The following ICE1 variants were observed in gnomAD, a reference collection of about 807,000 sequenced individuals.
The protein encoded by ICE1 is interactor of little elongation complex ELL subunit 1.
In ICE1, 64 loss-of-function variants were observed where a neutral mutation model predicts 192.7. The observed-to-expected ratio is 0.33, with a 90% CI of 0.27 to 0.41. The LOEUF (loss-of-function observed/expected upper bound fraction) is 0.41, where lower values mean the gene tolerates loss of function less well. Ranked by LOEUF, ICE1 falls within the 10% of genes least tolerant of loss-of-function variation. The pLI is 1.00. For missense variants in ICE1, 2,708 were observed against 2,696.0 expected (o/e 1.00, Z -0.10); for synonymous variants, 1,010 against 984.5 (o/e 1.03, Z -0.49).
intron 8 of ICE1, 64 bp downstream of exon 8, chr5:5,447,573 CTG>C (rs1371834363): frequency 1.4e-6 from 2 of 1,408,592 alleles, no homozygotes; most frequent in African/African-American, 1.4e-5. Flanking sequence ...TGTAGTGTCT[CTG>C]TGTTGTAACT....
At chr5:5,427,800 G>T (rs1266807826) in intron 1 of ICE1, among the ~76,000 whole-genome samples, 2 of 152,152 alleles carry the variant, frequency 1.3e-5, no homozygotes, top group Non-Finnish European at 2.9e-5. Context: ...AGAATACAAT[G>T]ATGAACAGAA....
rs758530891 is a variant in ICE1 at position 5,462,119 on chromosome 5, T to A, written c.2785T>A (p.Ser929Thr). ...TGTGAAAAGCATTTCACCAGAAGTT[T>A]CTGCCTCTAGGAGAAAATTAGATTT... is the stretch of plus-strand genomic sequence containing the variant. Reference protein sequence around the residue: ...AAVKSISPEVSASRRKLDFNS... With the variant: ...AAVKSISPEVTASRRKLDFNS... Residue 929 changes from serine (S) to threonine (T), a missense_variant, in exon 13 of 19, where the codon TCT (serine) becomes ACT (threonine). Coordinates refer to ENST00000296564, the MANE Select transcript of ICE1 (RefSeq NM_015325.3). 5.6e-6 allele frequency: 9 copies of A among 1,613,890 alleles called. No individual in the cohort carries two copies. The highest frequency in any genetic ancestry group is 3.3e-4 in the Middle Eastern group (2 of 6,062).
At position 5,447,836 on chromosome 5, in the gene ICE1, T is replaced by A; in HGVS notation, c.548-5T>A. ...TTATTAACCGTTTTTTCCCCATGCTTTTAGAGTTGAGACATATTGGAACAC... is the reference window on the plus strand; with the variant it reads ...TTATTAACCGTTTTTTCCCCATGCTATTAGAGTTGAGACATATTGGAACAC... On this transcript the variant is annotated splice_region_variant and splice_polypyrimidine_tract_variant and intron_variant, in intron 9 of 18. Coordinates refer to ENST00000296564, the MANE Select transcript of ICE1 (RefSeq NM_015325.3). 2 of 1,577,606 alleles carry A rather than the reference T, an allele frequency of 1.3e-6. No individual in the cohort carries two copies. The highest frequency in any genetic ancestry group is 1.7e-6 in the Non-Finnish European group (2 of 1,159,268).
chr5:5,447,438 A>G lies in ICE1; in HGVS notation c.436A>G (p.Lys146Glu). ...KVKKLQEAAV[K>E]QTQDFKQLRN... The stretch of plus-strand genomic sequence containing the variant: ...CATTGGACTTAAAGAGGCTGCTGTC[A>G]AGCAAACTCAGGACTTCAAGCAACT... The change falls in exon 8 of 19, where the codon AAG (lysine) becomes GAG (glutamate). Residue 146 changes from lysine to glutamate, a missense_variant. Coordinates refer to ENST00000296564, the MANE Select transcript of ICE1 (RefSeq NM_015325.3). 6.4e-7 allele frequency: 1 copy of G among 1,552,202 alleles called. No homozygotes were observed. The highest frequency in any genetic ancestry group is 8.7e-7 in the Non-Finnish European group (1 of 1,147,116).
In ICE1 at chr5:5,462,569, C is replaced by G. The variant is rs768989050; in HGVS notation, c.3235C>G (p.His1079Asp). 6 of 1,613,930 alleles carry G rather than the reference C, an allele frequency of 3.7e-6. No individual in the cohort carries two copies. The Admixed American group carries it at 8.3e-5, about 22-fold the overall frequency. The change falls in exon 13 of 19, where the codon CAT (histidine) becomes GAT (aspartate). Residue 1079 changes from histidine to aspartate, a missense_variant. Transcript: ENST00000296564. ...TTTTTCTTCAGCATTTTGCAGAAAA[C>G]ATGGAGAGACACAGGATACCTCCCA... is the stretch of plus-strand genomic sequence containing the variant. ...TTFSSAFCRK[H>D]GETQDTSQSS...
chr5:5,476,226 T>G, intron 17 of ICE1, 147 bp downstream of exon 17: 1 of 512,608 alleles, frequency 2.0e-6, no homozygotes, highest in East Asian at 3.4e-5. Flanking sequence ...CTTAAGTCAT[T>G]CTCCTTTCTC....
At chr5:5,474,437 A>G (rs771323635) in intron 16 of ICE1, among the ~76,000 whole-genome samples, 3 of 152,184 alleles carry the variant, frequency 2.0e-5, no homozygotes, top group Non-Finnish European at 4.4e-5. Flanking sequence ...ATGTATGTTG[A>G]ATGAAATTAA....
In ICE1 at chr5:5,463,357, C is replaced by T; in HGVS notation, c.4023C>T (p.Asn1341=). ...SPISGMPQNE[N]PQSRPEARSD... The stretch of plus-strand genomic sequence containing the variant: ...TCAGCGGTATGCCTCAGAATGAAAA[C>T]CCTCAGAGCAGACCAGAGGCCCGTT... The change falls in exon 13 of 19, where the codon AAC becomes AAT. Residue 1341 remains asparagine (N), a synonymous_variant. Transcript: ENST00000296564. 6.2e-7 allele frequency: 1 copy of T among 1,613,850 alleles called. No individual in the cohort carries two copies. Among genetic ancestry groups the T allele is most frequent in the Non-Finnish European group, 8.5e-7 (1 of 1,179,854 alleles).
intron 1 of ICE1, among the ~76,000 whole-genome samples, chr5:5,426,176 G>A (rs1400384289): frequency 2.0e-5 from 3 of 152,192 alleles, no homozygotes; most frequent in Non-Finnish European, 2.9e-5. Context: ...GGCTGGGAGC[G>A]GTGGCTCATG....
intron 11 of ICE1, among the ~76,000 whole-genome samples, chr5:5,456,501 T>C (rs2111369258): frequency 6.6e-6 from 1 of 152,236 alleles, no homozygotes; most frequent in East Asian, 1.9e-4. Context: ...ATTTATTTTA[T>C]TCGTAAATAA....
rs1030350806 is a variant in ICE1, at chr5:5,452,084, T to A, written c.605-2468T>A. ...ATTGATGAGGTAATGGAAAAAAAAT[T>A]TTAACTTGAGAAAGGTGAAACATTC... On this transcript the variant is annotated intron_variant, in intron 10 of 18. Transcript: ENST00000296564. Among the ~76,000 whole-genome samples the A allele has an allele frequency of 5.9e-5, 9 of 151,960 alleles. No individual in the cohort carries two copies. In the East Asian group the frequency reaches 1.7e-3, roughly 29 times the overall value.
rs1393682060 is a variant in ICE1 at position 5,469,082 on chromosome 5, T to TAG, written c.6222+95_6222+96dup. On this transcript the variant is annotated intron_variant, in intron 15 of 18. Transcript: ENST00000296564. ...GTGTATTTAGTTTTATATTAGTTCATAGGCATTTTCTTCTTTCTAGATCTT... is the reference window on the plus strand; with the variant it reads ...GTGTATTTAGTTTTATATTAGTTCATAGAGGCATTTTCTTCTTTCTAGATCTT... 7 of 866,334 alleles carry TAG rather than the reference T, an allele frequency of 8.1e-6. No homozygotes were observed. In the Admixed American group the frequency reaches 2.2e-4, roughly 27 times the overall value. The allele number at this position is 866,334 out of a possible 1,614,324, so 53.7% of individuals were successfully genotyped here.
intron 1 of ICE1, among the ~76,000 whole-genome samples, chr5:5,433,663 C>G (rs114537452): frequency 1.3e-3 from 191 of 152,278 alleles, no homozygotes; most frequent in Non-Finnish European, 2.3e-3. Context: ...CCAGTATGAC[C>G]TCATCTTAAC....
At chr5:5,466,758 C>G (rs1169048170) in intron 14 of ICE1, among the ~76,000 whole-genome samples, 1 of 152,082 alleles carries the variant, frequency 6.6e-6, no homozygotes, top group Non-Finnish European at 1.5e-5. Context: ...TGTGCAGCTG[C>G]TTTAGAATTA....
intron 1 of ICE1, among the ~76,000 whole-genome samples, chr5:5,425,720 AC>A (rs1392779184): frequency 6.6e-6 from 1 of 152,152 alleles, no homozygotes; most frequent in Non-Finnish European, 1.5e-5. Flanking sequence ...TTGCATAGTT[AC>A]GTTAGGACAG....
At chr5:5,447,545 A>G in intron 8 of ICE1, 36 bp downstream of exon 8, 2 of 1,483,514 alleles carry the variant, frequency 1.3e-6, no homozygotes, top group Non-Finnish European at 1.8e-6. Flanking sequence ...CACCTTAAAT[A>G]CGTGGCTCCA....
At chr5:5,489,105 C>T (rs1278236294) in intron 18 of ICE1, 44 bp from the exon 19 acceptor site, 1 of 1,557,216 alleles carries the variant, frequency 6.4e-7, no homozygotes, top group Admixed American at 1.8e-5. Flanking sequence ...TTTTGAATAA[C>T]AGATATTTTC....
rs148915648 is a variant in ICE1 at position 5,457,329 on chromosome 5, T to C, written c.692-3T>C. On this transcript the variant is annotated splice_region_variant and splice_polypyrimidine_tract_variant and intron_variant, in intron 11 of 18. Coordinates refer to ENST00000296564, the MANE Select transcript of ICE1 (RefSeq NM_015325.3). ...TGATACCTACTTTTGTTCCCCCACA[T>C]AGAAAAACCTGCCAAAGCAATCACC... is the stretch of plus-strand genomic sequence containing the variant. The C allele has an allele frequency of 2.5e-6, 4 of 1,589,122 alleles. No individual in the cohort carries two copies. The African/African-American group carries it at 4.1e-5, about 16-fold the overall frequency.
intron 17 of ICE1, among the ~76,000 whole-genome samples, chr5:5,481,662 A>T (rs1270915263): frequency 6.6e-6 from 1 of 152,212 alleles, no homozygotes; most frequent in South Asian, 2.1e-4. Context: ...GCCATAAATA[A>T]AATAGTATAC....
Sources: gnomAD v4.1 joint callset for allele counts (sites outside exome capture counted in the v4.1 genomes callset) on GRCh38, gnomAD v4.1.1 for gene constraint, MANE v1.5 for transcripts, NCBI Gene and HGNC (gene_info 2026-07-23, HGNC 2026-07-21) for gene names.